Variants in HSPA12A observed in about 807,000 individuals in gnomAD.
The protein encoded by HSPA12A is heat shock protein family A (Hsp70) member 12A, also known as heat shock 70 kDa protein 12A.
A neutral mutation model predicts 69.2 loss-of-function variants in HSPA12A; 28 were observed. The observed-to-expected ratio is 0.40, with a 90% CI of 0.30 to 0.55. The LOEUF (loss-of-function observed/expected upper bound fraction) is 0.55, where lower values mean the gene tolerates loss of function less well. Ranked by LOEUF, HSPA12A falls within the 20% of genes least tolerant of loss-of-function variation. HSPA12A has a pLI of 0.38. For synonymous variants in HSPA12A, 345 were observed against 370.5 expected (o/e 0.93, Z 0.79); for missense variants, 686 against 900.7 (o/e 0.76, Z 3.05).
At chr10:116,782,622 C>T (rs949515972) in intron 2 of HSPA12A, among the ~76,000 whole-genome samples, 1 of 152,168 alleles carries the variant, frequency 6.6e-6, no homozygotes, top group African/African-American at 2.4e-5. Context: ...TCCTGTGTGA[C>T]ACTATTGTCA....
intron 2 of HSPA12A, among the ~76,000 whole-genome samples, chr10:116,767,706 C>T (rs1844111478): frequency 6.6e-6 from 1 of 152,212 alleles, no homozygotes; most frequent in African/African-American, 2.4e-5. Flanking sequence ...GTCCAGGCCA[C>T]AAGGGGGCTT....
intron 2 of HSPA12A, among the ~76,000 whole-genome samples, chr10:116,804,548 C>G (rs543771911): frequency 5.9e-5 from 9 of 152,246 alleles, no homozygotes; most frequent in African/African-American, 2.2e-4. Context: ...CCCCAGCCCC[C>G]AGCCCCAGCC....
intron 1 of HSPA12A, among the ~76,000 whole-genome samples, chr10:116,845,671 C>T (rs1845869124): frequency 6.6e-6 from 1 of 152,124 alleles, no homozygotes. Flanking sequence ...TAGCAATACA[C>T]TCAACCCTTC....
chr10:116,703,352 C>G (rs1554881829), intron 3 of HSPA12A, among the ~76,000 whole-genome samples: 1 of 152,098 alleles, frequency 6.6e-6, no homozygotes, highest in East Asian at 1.9e-4. Flanking sequence ...GTGCTTTACA[C>G]AACCCTTTAT....
chr10:116,742,778 C>T (rs1851559359), upstream of HSPA12A, among the ~76,000 whole-genome samples: 1 of 151,916 alleles, frequency 6.6e-6, no homozygotes, highest in South Asian at 2.1e-4. Context: ...GGCCTCTCCT[C>T]TCCCGGCTTC....
intron 2 of HSPA12A, among the ~76,000 whole-genome samples, chr10:116,784,504 G>A (rs1554892127): frequency 2.6e-5 from 4 of 152,250 alleles, no homozygotes; most frequent in Admixed American, 2.6e-4. Flanking sequence ...CTAGCACTTA[G>A]AGTGGTACCT....
At chr10:116,699,719 G>A (rs1311322459) in intron 4 of HSPA12A, among the ~76,000 whole-genome samples, 2 of 152,104 alleles carry the variant, frequency 1.3e-5, no homozygotes, top group Non-Finnish European at 2.9e-5. Context: ...TCAGAAAGGT[G>A]GTCAAGTGCC....
At chr10:116,740,591 C>A (rs1288176930) in intron 1 of HSPA12A, among the ~76,000 whole-genome samples, 1 of 151,676 alleles carries the variant, frequency 6.6e-6, no homozygotes, top group Non-Finnish European at 1.5e-5. Context: ...TGGCTCGGCA[C>A]ACCAGGTATG....
chr10:116,740,670 GTGTGT>G (rs1851466916), intron 1 of HSPA12A, among the ~76,000 whole-genome samples: 27 of 3,550 alleles, frequency 7.6e-3, no homozygotes, highest in African/African-American at 0.017. Context: ...GTGTGTGTGT[GTGTGT>G]CTGTGTGTGT....
chr10:116,742,322 TC>T lies in HSPA12A; in HGVS notation c.40+107del. On this transcript the variant is annotated intron_variant, in intron 1 of 11. Coordinates refer to ENST00000369209, the MANE Select transcript of HSPA12A (RefSeq NM_025015.3). ...GCCAGAACTGGATGCAGCGCGGGCG[TC>T]CCCACTTTTCCACGGCGCGCGAGGG... 5.2e-6 allele frequency: 6 copies of T among 1,160,142 alleles called. No homozygotes were observed. In the South Asian group the frequency reaches 9.9e-5, roughly 19 times the overall value. The allele number at this position is 1,160,142 out of a possible 1,614,324, so 71.9% of individuals were successfully genotyped here. A position where few individuals can be genotyped will look rare whatever the true frequency, so the allele number is the denominator to read the frequency against.
chr10:116,698,587 G>A (rs782585013), intron 5 of HSPA12A, 48 bp downstream of exon 5: 22 of 1,481,020 alleles, frequency 1.5e-5, no homozygotes, highest in Admixed American at 6.7e-5. Flanking sequence ...GCTGGCACGG[G>A]TGCCACCGCC....
At chr10:116,691,962 C>T (rs2907232) in intron 6 of HSPA12A, among the ~76,000 whole-genome samples, 2,281 of 152,358 alleles carry the variant, frequency 0.015, 60 homozygotes, top group African/African-American at 0.051. Context: ...GGCTTGCTTG[C>T]TTTCTTGTTC....
At chr10:116,746,676 G>A (rs1554887846), upstream of HSPA12A, among the ~76,000 whole-genome samples, 1 of 152,146 alleles carries the variant, frequency 6.6e-6, no homozygotes. Flanking sequence ...ATATGCCACT[G>A]TTAATATGAC....
At chr10:116,849,776 C>G, upstream of HSPA12A, 1 of 1,466,862 alleles carries the variant, frequency 6.8e-7, no homozygotes, top group Non-Finnish European at 9.1e-7. Flanking sequence ...ACCCCTCTCC[C>G]CCCGCCCCGC....
intron 2 of HSPA12A, among the ~76,000 whole-genome samples, chr10:116,825,942 C>T (rs142404877): frequency 5.3e-5 from 8 of 152,244 alleles, no homozygotes; most frequent in Middle Eastern, 6.8e-3. Context: ...GAAACCACAT[C>T]CTAGGCAGAA....
In HSPA12A at chr10:116,720,740, C is replaced by T. The variant is rs529110278; in HGVS notation, c.41-13455G>A. Among the ~76,000 whole-genome samples the T allele has an allele frequency of 1.2e-3, 180 of 152,366 alleles. 1 individual carries two copies. The highest frequency in any genetic ancestry group is 2.1e-3 in the Non-Finnish European group (140 of 68,044). On this transcript the variant is annotated intron_variant, in intron 1 of 11. Transcript: ENST00000369209. Reference sequence around the variant, plus strand: ...ACATTCTGCTGTGTGACCGTCTGCACGTGCCAGCTGCAGCTAGCCAGGTCC... The same window carrying T: ...ACATTCTGCTGTGTGACCGTCTGCATGTGCCAGCTGCAGCTAGCCAGGTCC...
chr10:116,733,230 G>C (rs1554886050), intron 1 of HSPA12A, among the ~76,000 whole-genome samples: 1 of 152,138 alleles, frequency 6.6e-6, no homozygotes, highest in East Asian at 1.9e-4. Context: ...TGGTCACTAA[G>C]GGACAATGAC....
chr10:116,783,881 T>G (rs1844517940), intron 2 of HSPA12A, among the ~76,000 whole-genome samples: 1 of 152,126 alleles, frequency 6.6e-6, no homozygotes. Context: ...TTTTTGTATT[T>G]TTAGTAGAGA....
intron 2 of HSPA12A, among the ~76,000 whole-genome samples, chr10:116,797,239 T>C (rs1844848040): frequency 7.8e-6 from 1 of 127,760 alleles, no homozygotes; most frequent in Non-Finnish European, 1.7e-5. Context: ...AGATCCTATG[T>C]ACTTCATTGG....
Sources: allele counts gnomAD v4.1 joint callset (sites outside exome capture counted in the v4.1 genomes callset), GRCh38; gene constraint gnomAD v4.1.1; transcripts MANE v1.5; gene names NCBI Gene and HGNC (gene_info 2026-07-23, HGNC 2026-07-21).